Variants in CDH8 observed in about 807,000 individuals in gnomAD.
CDH8 encodes cadherin-8.
A neutral mutation model predicts 68.1 loss-of-function variants in CDH8; 17 were observed. That is an observed-to-expected ratio of 0.25 (90% confidence interval 0.17 to 0.37). CDH8 has a LOEUF of 0.37. CDH8 is among the 10% of genes least tolerant of loss of function. The pLI, the probability that CDH8 is intolerant of heterozygous loss-of-function variation, is 1.00. For synonymous variants in CDH8, 372 were observed against 365.1 expected (o/e 1.02, Z -0.21); for missense variants, 763 against 999.3 (o/e 0.76, Z 3.19).
At chr16:61,829,195 G>A (rs1197155797) in intron 4 of CDH8, among the ~76,000 whole-genome samples, 1 of 151,738 alleles carries the variant, frequency 6.6e-6, no homozygotes, top group Non-Finnish European at 1.5e-5. Context: ...TGGCCACTCA[G>A]GTTATTATTT....
chr16:62,013,338 G>C (rs910262403), intron 2 of CDH8, among the ~76,000 whole-genome samples: 1 of 151,572 alleles, frequency 6.6e-6, no homozygotes, highest in Non-Finnish European at 1.5e-5. Context: ...ATGCATTTGT[G>C]GGGGTGAAGG....
intron 1 of CDH8, among the ~76,000 whole-genome samples, chr16:62,027,540 G>A (rs1021552056): frequency 2.0e-5 from 3 of 152,184 alleles, no homozygotes; most frequent in African/African-American, 7.2e-5. Context: ...AATATTTCAT[G>A]AAAGCAAAAA....
At chr16:61,783,960 C>T (rs1027359879) in intron 8 of CDH8, among the ~76,000 whole-genome samples, 85 of 152,228 alleles carry the variant, frequency 5.6e-4, no homozygotes, top group African/African-American at 1.8e-3. Context: ...AAGGAACAAC[C>T]GGTACCAGCT....
chr16:61,843,670 T>C (rs1206281235), intron 4 of CDH8, among the ~76,000 whole-genome samples: 1 of 152,208 alleles, frequency 6.6e-6, no homozygotes, highest in African/African-American at 2.4e-5. Context: ...TGTTTGTTTG[T>C]TTGTTTTTTA....
chr16:61,994,418 T>A (rs1018923470), intron 2 of CDH8, among the ~76,000 whole-genome samples: 5 of 152,178 alleles, frequency 3.3e-5, no homozygotes, highest in Non-Finnish European at 7.3e-5. Flanking sequence ...TCTAATTGAG[T>A]GTAAATTTCC....
At chr16:61,849,667 C>A (rs1027074629) in intron 4 of CDH8, among the ~76,000 whole-genome samples, 6 of 152,166 alleles carry the variant, frequency 3.9e-5, no homozygotes, top group Non-Finnish European at 8.8e-5. Context: ...TATGATGTAA[C>A]TTTCCCAGCA....
In CDH8 at chr16:61,901,280, G is replaced by A. The variant is rs754269721; in HGVS notation, c.446C>T (p.Pro149Leu). 38 of 1,613,872 alleles carry A rather than the reference G, an allele frequency of 2.4e-5. No individual in the cohort carries two copies. The South Asian group carries it at 3.8e-4, about 16-fold the overall frequency. The change falls in exon 3 of 12, where the codon CCT becomes CTT. Residue 149 changes from proline (P) to leucine (L), a missense_variant. By Grantham distance (98) the Pro-to-Leu change is moderately conservative. Coordinates refer to ENST00000577390, the MANE Select transcript of CDH8 (RefSeq NM_001796.5). ...VDWETSKPLE[P>L]PSEFIIKVQD... ...AACTTTAATAATAAATTCAGAAGGA[G>A]GCTCCAGAGGTTTGCTTGTCTCCCA...
At chr16:61,989,138 C>G (rs1965674662) in intron 2 of CDH8, among the ~76,000 whole-genome samples, 2 of 152,132 alleles carry the variant, frequency 1.3e-5, no homozygotes, top group Admixed American at 1.3e-4. Context: ...GGCTTAGACA[C>G]TAGTTCTAAC....
At chr16:61,874,477 GC>G (rs1963426271) in intron 3 of CDH8, among the ~76,000 whole-genome samples, 1 of 151,804 alleles carries the variant, frequency 6.6e-6, no homozygotes. Context: ...GACTACAGGT[GC>G]CCACCACCAC....
intron 3 of CDH8, among the ~76,000 whole-genome samples, chr16:61,897,045 A>G (rs1314477951): frequency 6.7e-6 from 1 of 148,914 alleles, no homozygotes; most frequent in Admixed American, 6.7e-5. Context: ...CAGGCTAAAG[A>G]TATATAATAC....
chr16:61,798,356 T>G (rs1005526471), intron 7 of CDH8, among the ~76,000 whole-genome samples: 7 of 152,142 alleles, frequency 4.6e-5, no homozygotes, highest in African/African-American at 1.7e-4. Context: ...TGATATAAAC[T>G]CAGGAGTGAT....
intron 8 of CDH8, among the ~76,000 whole-genome samples, chr16:61,768,348 CT>C (rs1960662016): frequency 8.9e-6 from 1 of 112,220 alleles, no homozygotes; most frequent in African/African-American, 3.6e-5. Context: ...CTCTCTCTCT[CT>C]CTCTCTCTCT....
chr16:61,835,097 T>A (rs960908114), intron 4 of CDH8, among the ~76,000 whole-genome samples: 1 of 151,984 alleles, frequency 6.6e-6, no homozygotes, highest in African/African-American at 2.4e-5. Flanking sequence ...AGCATCTTAA[T>A]ATGATTCTGT....
intron 8 of CDH8, among the ~76,000 whole-genome samples, chr16:61,756,905 C>T (rs1960334521): frequency 6.6e-6 from 1 of 152,118 alleles, no homozygotes; most frequent in Non-Finnish European, 1.5e-5. Flanking sequence ...GAATCCTAAT[C>T]CAATCATTTC....
At chr16:61,910,363 A>T (rs1964139949) in intron 2 of CDH8, among the ~76,000 whole-genome samples, 1 of 151,286 alleles carries the variant, frequency 6.6e-6, no homozygotes, top group Admixed American at 6.6e-5. Flanking sequence ...GGCAACAGAA[A>T]TCACTTCTTT....
chr16:61,722,929 T>C (rs1342251738), intron 9 of CDH8, among the ~76,000 whole-genome samples: 2 of 150,718 alleles, frequency 1.3e-5, no homozygotes, highest in African/African-American at 4.8e-5. Context: ...AACAGCAACT[T>C]GTATGATAGT....
intron 8 of CDH8, among the ~76,000 whole-genome samples, chr16:61,743,740 T>C (rs559360589): frequency 8.6e-4 from 131 of 152,292 alleles, no homozygotes; most frequent in African/African-American, 3.0e-3. Flanking sequence ...AGTGGATGCT[T>C]AGATAATTGA....
chr16:61,793,255 T>A (rs1254647384), intron 7 of CDH8, among the ~76,000 whole-genome samples: 6 of 152,006 alleles, frequency 3.9e-5, no homozygotes, highest in Admixed American at 3.9e-4. Context: ...CTTTTTTTTT[T>A]AACTTTATTT....
chr16:61,932,793 C>T (rs1292831972), intron 2 of CDH8, among the ~76,000 whole-genome samples: 1 of 152,156 alleles, frequency 6.6e-6, no homozygotes, highest in African/African-American at 2.4e-5. Context: ...GAAAAAAGAT[C>T]TCAACCTTTA....
Sources: allele counts gnomAD v4.1 joint callset (sites outside exome capture counted in the v4.1 genomes callset), GRCh38; gene constraint gnomAD v4.1.1; transcripts MANE v1.5; gene names NCBI Gene and HGNC (gene_info 2026-07-23, HGNC 2026-07-21).